Variants in KIF26B observed in about 807,000 individuals in gnomAD.
KIF26B encodes the protein kinesin-like protein KIF26B.
Under a neutral mutation model 151.2 loss-of-function variants are expected in KIF26B, and 63 were observed. That is an observed-to-expected ratio of 0.42 (90% CI 0.34 to 0.51). The LOEUF (loss-of-function observed/expected upper bound fraction) is 0.51. Ranked by LOEUF, KIF26B falls within the 20% of genes least tolerant of loss-of-function variation. The probability of loss-of-function intolerance (pLI) is 0.07; values close to 1 mark genes in which losing one functional copy is unlikely to be tolerated. For synonymous variants in KIF26B, 1,357 were observed against 1,262.1 expected (o/e 1.08, Z -1.59); for missense variants, 2,813 against 2,913.6 (o/e 0.97, Z 0.79).
intron 3 of KIF26B, among the ~76,000 whole-genome samples, chr1:245,369,335 C>T (rs1422693458): frequency 6.6e-6 from 1 of 152,152 alleles, no homozygotes; most frequent in African/African-American, 2.4e-5. Flanking sequence ...TTACGCCGGA[C>T]AAGATACAGG....
At chr1:245,163,205 A>C (rs1668561064) in intron 2 of KIF26B, among the ~76,000 whole-genome samples, 1 of 152,130 alleles carries the variant, frequency 6.6e-6, no homozygotes, top group South Asian at 2.1e-4. Context: ...ACAGTGGCAC[A>C]ATCTCGGCTC....
At chr1:245,539,895 T>A (rs1304156023) in intron 4 of KIF26B, among the ~76,000 whole-genome samples, 5 of 152,134 alleles carry the variant, frequency 3.3e-5, no homozygotes, top group Non-Finnish European at 5.9e-5. Context: ...TCAGGTGAGC[T>A]GCCTGCCTCG....
intron 2 of KIF26B, among the ~76,000 whole-genome samples, chr1:245,359,873 TC>T (rs1463844121): frequency 4.4e-5 from 6 of 135,336 alleles, no homozygotes; most frequent in African/African-American, 2.3e-4. Context: ...TTTCTTTCTT[TC>T]TTTTTTTTTT....
intron 2 of KIF26B, among the ~76,000 whole-genome samples, chr1:245,234,937 G>A (rs1670076683): frequency 6.6e-6 from 1 of 152,152 alleles, no homozygotes; most frequent in South Asian, 2.1e-4. Context: ...GGCTCTGCAG[G>A]AGGTCCTCCT....
At chr1:245,392,969 G>A (rs911775025) in intron 3 of KIF26B, among the ~76,000 whole-genome samples, 5 of 152,108 alleles carry the variant, frequency 3.3e-5, no homozygotes, top group Admixed American at 1.3e-4. Flanking sequence ...TCAGGAGTTC[G>A]GGACCAGCCT....
chr1:245,372,502 G>C (rs951293385), intron 3 of KIF26B, among the ~76,000 whole-genome samples: 1 of 152,046 alleles, frequency 6.6e-6, no homozygotes, highest in Non-Finnish European at 1.5e-5. Flanking sequence ...GTGGTTTTCC[G>C]ATCCTCACCC....
At chr1:245,379,539 CA>C (rs1349252772) in intron 3 of KIF26B, among the ~76,000 whole-genome samples, 1 of 150,708 alleles carries the variant, frequency 6.6e-6, no homozygotes, top group African/African-American at 2.4e-5. Flanking sequence ...TCAGCCCTTT[CA>C]TTCTTGGTTT....
At chr1:245,370,601 G>A (rs1030496670) in intron 3 of KIF26B, 1 of 456,706 alleles carries the variant, frequency 2.2e-6, no homozygotes, top group South Asian at 1.5e-5. Context: ...GTCACACGTG[G>A]CAGGGGCCGG....
chr1:245,219,234 G>T (rs1471579135), intron 2 of KIF26B, among the ~76,000 whole-genome samples: 1 of 137,240 alleles, frequency 7.3e-6, no homozygotes, highest in Admixed American at 8.6e-5. Flanking sequence ...TGCCTCCCGG[G>T]TTCACACCAT....
chr1:245,692,941 T>G (rs2044646050), intron 12 of KIF26B, among the ~76,000 whole-genome samples: 1 of 152,132 alleles, frequency 6.6e-6, no homozygotes, highest in Non-Finnish European at 1.5e-5. Flanking sequence ...AGTGCACATA[T>G]CAGCAGCTGA....
At position 245,367,029 on chromosome 1, in the gene KIF26B, C is replaced by T. The variant is rs1463631143; in HGVS notation, c.661C>T (p.Pro221Ser). 10 of 1,611,070 alleles carry T rather than the reference C, an allele frequency of 6.2e-6. No homozygotes were observed. In the Admixed American group the frequency reaches 1.5e-4, roughly 24 times the overall value. ...GCACTACGACGCCTCGCCCTGCTCC[C>T]CGCCACCGCTCTCCAACATCCCCAC... ...SEHYDASPCS[P>S]PPLSNIPTLV... The change falls in exon 3 of 15, where the codon CCG becomes TCG. Residue 221 changes from proline (P) to serine (S), a missense_variant. By Grantham distance (74) the Pro-to-Ser change is moderately conservative. Around this residue, in one of 3 missense-constraint regions of KIF26B, gnomAD observed 676 missense variants for 688.1 expected, o/e 0.98. Coordinates refer to ENST00000407071, the MANE Select transcript of KIF26B (RefSeq NM_018012.4). This position sits in a 1 kb window ranked among gnomAD's most constrained non-coding sequence, Gnocchi z 4.2.
At chr1:245,293,454 C>T (rs1338023251) in intron 2 of KIF26B, among the ~76,000 whole-genome samples, 1 of 152,124 alleles carries the variant, frequency 6.6e-6, no homozygotes, top group East Asian at 1.9e-4. Context: ...GATCTGATTC[C>T]CCCAGCCCTG....
Position 245,583,247 on chromosome 1 carries a change from CCTGCAG to C in KIF26B, c.1351-19329_1351-19324del, listed in dbSNP as rs766552921. On this transcript the variant is annotated intron_variant, in intron 5 of 14. Coordinates refer to ENST00000407071, the MANE Select transcript of KIF26B (RefSeq NM_018012.4). ...TACCCGGACTTAAAGATCTACTGGT[CCTGCAG>C]AGCTGAGCTCCAGTGGTGTGAAAGG... Among the ~76,000 whole-genome samples the C allele has an allele frequency of 4.9e-3, 744 of 152,310 alleles. 5 individuals are homozygous for C. The highest frequency in any genetic ancestry group is 7.5e-3 in the Non-Finnish European group (507 of 68,038).
At chr1:245,265,890 G>A (rs945795720) in intron 2 of KIF26B, among the ~76,000 whole-genome samples, 4 of 152,156 alleles carry the variant, frequency 2.6e-5, no homozygotes, top group African/African-American at 9.7e-5. Context: ...TTACAGGCAT[G>A]AGCCACCCTG....
At chr1:245,645,944 A>C in intron 9 of KIF26B, 177 bp from the exon 10 acceptor site, 1 of 610,120 alleles carries the variant, frequency 1.6e-6, no homozygotes, top group Non-Finnish European at 2.8e-6. Context: ...ATTTAAGAGG[A>C]CCAATGCTAT....
At chr1:245,296,235 C>T (rs12752659) in intron 2 of KIF26B, among the ~76,000 whole-genome samples, 26,297 of 150,756 alleles carry the variant, frequency 0.17, 2,389 homozygotes, top group Middle Eastern at 0.23. Flanking sequence ...AACAGGGGTG[C>T]GCAGTGTTAC....
intron 2 of KIF26B, among the ~76,000 whole-genome samples, chr1:245,304,598 A>T (rs1238605577): frequency 6.6e-6 from 1 of 152,192 alleles, no homozygotes; most frequent in African/African-American, 2.4e-5. Flanking sequence ...GTCTAAAAAA[A>T]ATTCAGATGT....
chr1:245,439,632 C>A (rs554567309), intron 4 of KIF26B, among the ~76,000 whole-genome samples: 24 of 152,186 alleles, frequency 1.6e-4, no homozygotes, highest in South Asian at 6.2e-4. Flanking sequence ...AAAAAATCAT[C>A]AAAGTAGAAT....
rs1270782610 is a variant in KIF26B, at chr1:245,688,454, G to T, written c.5471G>T (p.Arg1824Leu). 1.3e-5 allele frequency: 17 copies of T among 1,343,900 alleles called. No individual in the cohort carries two copies. Among genetic ancestry groups the T allele is most frequent in the Non-Finnish European group, 1.6e-5 (17 of 1,057,818 alleles). 83.2% of individuals were successfully genotyped at this position (1,343,900 alleles called of 1,614,324 possible). A position where few individuals can be genotyped will look rare whatever the true frequency, so the allele number is the denominator to read the frequency against. Reference sequence around the variant, plus strand: ...GCGGGCGCCCGGGGCTTGCAGCTGCGGGCCGGGCCCGAGGCGGAGGCGCGC... The same window carrying T: ...GCGGGCGCCCGGGGCTTGCAGCTGCTGGCCGGGCCCGAGGCGGAGGCGCGC... ...GGAGARGLQL[R>L]AGPEAEARGG... The change falls in exon 12 of 15, where the codon CGG (arginine) becomes CTG (leucine). Residue 1824 changes from arginine to leucine, a missense_variant. Arg to Leu is a moderately radical substitution (Grantham distance 102). Coordinates refer to ENST00000407071, the MANE Select transcript of KIF26B (RefSeq NM_018012.4).
Sources: gnomAD v4.1 joint callset for allele counts (sites outside exome capture counted in the v4.1 genomes callset) on GRCh38, gnomAD v4.1.1 for gene constraint, gnomAD v4.1.1 regional missense constraint, Gnocchi (gnomAD v3.1) non-coding constraint, MANE v1.5 for transcripts, NCBI Gene and HGNC (gene_info 2026-07-23, HGNC 2026-07-21) for gene names.